APPL2: variants seen among roughly 807,000 people sequenced by gnomAD.
The protein encoded by APPL2 is adaptor protein, phosphotyrosine interacting with PH domain and leucine zipper 2.
Under a neutral mutation model 92.7 loss-of-function variants are expected in APPL2, and 84 were observed. That is an observed-to-expected ratio of 0.91 (90% CI 0.76 to 1.09). The LOEUF is 1.09. APPL2 is among the 50% of genes least tolerant of loss of function. APPL2 has a pLI of 0.00. For synonymous variants in APPL2, 291 were observed against 291.0 expected, an observed-to-expected ratio of 1.00 and a Z score of 0.00; for missense variants, 736 against 824.5, an observed-to-expected ratio of 0.89 and a Z score of 1.31.
chr12:105,218,204 TA>T (rs1889843978), intron 2 of APPL2, among the ~76,000 whole-genome samples: 1 of 152,156 alleles, frequency 6.6e-6, no homozygotes, highest in East Asian at 1.9e-4. Context: ...TGTCAAATAA[TA>T]AAATGTTTTG....
intron 1 of APPL2, 116 bp from the exon 2 acceptor site, chr12:105,229,339 C>G (rs1167116171): frequency 7.1e-6 from 7 of 990,190 alleles, no homozygotes; most frequent in South Asian, 3.4e-5. Flanking sequence ...AAGAAAGGTA[C>G]CTGTTGGTTC....
intron 9 of APPL2, among the ~76,000 whole-genome samples, chr12:105,201,058 A>G (rs1471180271): frequency 2.0e-5 from 3 of 152,046 alleles, no homozygotes; most frequent in Non-Finnish European, 4.4e-5. Flanking sequence ...ACAGGCATGC[A>G]CCACCACACC....
chr12:105,175,946 A>T, intron 20 of APPL2, 89 bp downstream of exon 20: 1 of 1,287,190 alleles, frequency 7.8e-7, no homozygotes, highest in South Asian at 1.5e-5. Context: ...TTTCCAGTGA[A>T]CATCACTTTT....
chr12:105,232,407 G>A (rs1196778), intron 1 of APPL2, among the ~76,000 whole-genome samples: 94,692 of 152,024 alleles, frequency 0.62, 30,271 homozygotes, highest in African/African-American at 0.78. Flanking sequence ...TAATTGTGTA[G>A]TGGCCCAATG....
chr12:105,214,337 G>A (rs1413045689), intron 4 of APPL2, among the ~76,000 whole-genome samples: 4 of 152,168 alleles, frequency 2.6e-5, no homozygotes, highest in Non-Finnish European at 5.9e-5. Context: ...AACTAACCGC[G>A]TTTCCTTAGC....
At chr12:105,214,386 G>A (rs1889477620) in intron 4 of APPL2, among the ~76,000 whole-genome samples, 1 of 152,166 alleles carries the variant, frequency 6.6e-6, no homozygotes, top group Non-Finnish European at 1.5e-5. Flanking sequence ...CAGGAGTGTA[G>A]TCTATTGCTT....
intron 2 of APPL2, among the ~76,000 whole-genome samples, chr12:105,222,984 T>C (rs992571345): frequency 6.6e-6 from 1 of 151,882 alleles, no homozygotes; most frequent in Non-Finnish European, 1.5e-5. Context: ...GAGTGGAGGG[T>C]GTGCAAAAGG....
At chr12:105,232,250 C>T (rs184139562) in intron 1 of APPL2, among the ~76,000 whole-genome samples, 5 of 152,124 alleles carry the variant, frequency 3.3e-5, no homozygotes, top group Admixed American at 6.5e-5. Context: ...TTTTCTACTG[C>T]CCGACACTTT....
chr12:105,206,941 C>T (rs1420032801), intron 8 of APPL2, 120 bp downstream of exon 8: 1 of 1,301,910 alleles, frequency 7.7e-7, no homozygotes, highest in African/African-American at 1.5e-5. Context: ...CACAAAGTAG[C>T]CAGGGAGATT....
rs556903149 is a variant in APPL2, at chr12:105,194,758, A to G, written c.1241+503T>C. 1.0e-4 allele frequency among the ~76,000 whole-genome samples: 15 copies of G among 149,634 alleles called. No individual in the cohort carries two copies. The East Asian group carries it at 2.9e-3, about 29-fold the overall frequency. ...ATAGGGTGTAGTTACTAAAAGGAAC[A>G]ATTCTGAAAAATGTAGAAATAGTTA... On this transcript the variant is annotated intron_variant, in intron 14 of 20. Transcript: ENST00000258530.
intron 10 of APPL2, among the ~76,000 whole-genome samples, 159 bp from the exon 11 acceptor site, chr12:105,198,112 G>A (rs893785121): frequency 6.6e-6 from 1 of 152,188 alleles, no homozygotes; most frequent in Non-Finnish European, 1.5e-5. Context: ...AAGAGCAGCA[G>A]AAGGGTACAA....
At chr12:105,223,276 G>A (rs141847141) in intron 2 of APPL2, among the ~76,000 whole-genome samples, 32 of 151,274 alleles carry the variant, frequency 2.1e-4, no homozygotes, top group East Asian at 1.2e-3. Context: ...ACAGGCAAAC[G>A]TTGTTTCGAA....
At chr12:105,206,340 T>C (rs543612744) in intron 8 of APPL2, among the ~76,000 whole-genome samples, 1 of 152,298 alleles carries the variant, frequency 6.6e-6, no homozygotes, top group East Asian at 1.9e-4. Context: ...GAGAGAAGAT[T>C]CCTGGGTGCC....
At chr12:105,207,560 A>AAATCATG (rs1888836663) in intron 7 of APPL2, among the ~76,000 whole-genome samples, 1 of 152,230 alleles carries the variant, frequency 6.6e-6, no homozygotes, top group Non-Finnish European at 1.5e-5. Flanking sequence ...TAGCCCAAGG[A>AAATCATG]AATCATGTAA....
Position 105,208,048 on chromosome 12 carries a change from C to T in APPL2, c.416-19G>A, listed in dbSNP as rs1231617648. ...TCATGCTCTAAAAATAAACAGACAT[C>T]TGAACACCCAGGAGGGTCAGGGTCG... On this transcript the variant is annotated intron_variant, in intron 6 of 20. Transcript: ENST00000258530. The T allele has an allele frequency of 6.2e-7, 1 of 1,614,012 alleles. No individual in the cohort carries two copies. Among genetic ancestry groups the T allele is most frequent in the African/African-American group, 1.3e-5 (1 of 74,916 alleles).
At chr12:105,199,905 G>T (rs1157054078) in intron 9 of APPL2, among the ~76,000 whole-genome samples, 1 of 151,436 alleles carries the variant, frequency 6.6e-6, no homozygotes, top group Non-Finnish European at 1.5e-5. Flanking sequence ...TGCAAGCTCC[G>T]CCCCTCAGGT....
chr12:105,201,539 T>C (rs1888202633), intron 9 of APPL2, among the ~76,000 whole-genome samples: 1 of 152,038 alleles, frequency 6.6e-6, no homozygotes, highest in Non-Finnish European at 1.5e-5. Context: ...GCTTCTTGCG[T>C]ACAACTCCAG....
rs1890408521 is a variant in APPL2 at position 105,225,283 on chromosome 12, G to GGAT, written c.153+3839_153+3841dup. 2.0e-5 allele frequency among the ~76,000 whole-genome samples: 3 copies of GGAT among 152,108 alleles called. No homozygotes were observed. The South Asian group carries it at 6.2e-4, about 32-fold the overall frequency. On this transcript the variant is annotated intron_variant, in intron 2 of 20. Coordinates refer to ENST00000258530, the MANE Select transcript of APPL2 (RefSeq NM_018171.5). The stretch of plus-strand genomic sequence containing the variant: ...TGCCAGGTTTCGTGAATACCGCTGG[G>GGAT]GATAGCCTTCCTGTCCTGCCTGCCA...
rs756999582 is a variant in APPL2, at chr12:105,197,947, T to C, written c.870A>G (p.Thr290=). The change falls in exon 11 of 21, where the codon ACA becomes ACG. Residue 290 remains threonine, a synonymous_variant. Transcript: ENST00000258530. ...KAGYLNLRNK[T]GLVTTTWERL... ...TCTCCCAGGTGGTGGTGACCAGCCC[T>C]GTTTTGCTGTGAGTTGTGTTTTAAA... The C allele has an allele frequency of 1.9e-6, 3 of 1,613,614 alleles. No individual in the cohort carries two copies. The highest frequency in any genetic ancestry group is 2.2e-5 in the South Asian group (2 of 91,034).
Sources: allele counts gnomAD v4.1 joint callset (sites outside exome capture counted in the v4.1 genomes callset), GRCh38; gene constraint gnomAD v4.1.1; transcripts MANE v1.5; gene names NCBI Gene and HGNC (gene_info 2026-07-23, HGNC 2026-07-21).